FRAS1: variants seen among roughly 807,000 people sequenced by gnomAD.
FRAS1 encodes the protein extracellular matrix organizing protein FRAS1.
In FRAS1, 290 loss-of-function variants were observed where a neutral mutation model predicts 435.2. The ratio of observed to expected loss-of-function variants is 0.67; its 90% CI spans 0.61 to 0.73. FRAS1 has a LOEUF of 0.73. FRAS1 is among the 30% of genes least tolerant of loss of function. The pLI, the probability that FRAS1 is intolerant of heterozygous loss-of-function variation, is 0.00. For missense variants in FRAS1, 4,860 were observed against 5,001.5 expected, an observed-to-expected ratio of 0.97 and a Z score of 0.85; for synonymous variants, 1,800 against 1,851.0, an observed-to-expected ratio of 0.97 and a Z score of 0.71.
At chr4:78,535,790 C>T (rs920214612) in intron 71 of FRAS1, among the ~76,000 whole-genome samples, 2 of 152,280 alleles carry the variant, frequency 1.3e-5, no homozygotes, top group African/African-American at 2.4e-5. Flanking sequence ...ACTACCTTTC[C>T]GCTTAAAACC....
At chr4:78,092,447 G>T (rs942879296) in intron 2 of FRAS1, among the ~76,000 whole-genome samples, 3 of 152,192 alleles carry the variant, frequency 2.0e-5, no homozygotes, top group Non-Finnish European at 1.5e-5. Flanking sequence ...TATGTGGATG[G>T]CAGTAGGCAA....
At chr4:78,394,451 A>G (rs1160001233) in intron 29 of FRAS1, among the ~76,000 whole-genome samples, 4 of 151,964 alleles carry the variant, frequency 2.6e-5, no homozygotes, top group African/African-American at 7.2e-5. Flanking sequence ...TTTATTGAAG[A>G]GACTATTCTT....
chr4:78,537,122 G>A lies in FRAS1; in HGVS notation c.11220G>A (p.Thr3740=), dbSNP rs182887871. The A allele has an allele frequency of 6.9e-5, 112 of 1,613,940 alleles. No individual in the cohort carries two copies. The highest frequency in any genetic ancestry group is 6.9e-4 in the East Asian group (31 of 44,868). The change falls in exon 72 of 74, where the codon ACG becomes ACA. Residue 3740 remains threonine, a synonymous_variant. Coordinates refer to ENST00000512123, the MANE Select transcript of FRAS1 (RefSeq NM_025074.7). Reference sequence around the variant, plus strand: ...GTTATGTGCCTTTCTTTGATCCCACGGGGACAATCTACAATGAAGGGCCCC... The same window carrying A: ...GTTATGTGCCTTTCTTTGATCCCACAGGGACAATCTACAATGAAGGGCCCC... ...KDGYVPFFDP[T]GTIYNEGPQY...
In FRAS1 at chr4:78,499,722, C is replaced by T. The variant is rs368091830; in HGVS notation, c.9117C>T (p.Ala3039=). The change falls in exon 61 of 74, where the codon GCC becomes GCT. Residue 3039 remains alanine (A), a splice_region_variant and synonymous_variant. Coordinates refer to ENST00000512123, the MANE Select transcript of FRAS1 (RefSeq NM_025074.7). The part of the protein sequence containing the change: ...ATITISNDED[A]PTIEFEEAAY... ...GTTTTCCTAACCATATTTCCTTAGC[C>T]CCCACCATTGAGTTTGAAGAAGCTG... 42 of 1,613,150 alleles carry T rather than the reference C, an allele frequency of 2.6e-5. No homozygotes were observed. In the African/African-American group the frequency reaches 5.2e-4, roughly 20 times the overall value.
intron 2 of FRAS1, among the ~76,000 whole-genome samples, chr4:78,191,062 C>T (rs1171364877): frequency 2.0e-5 from 3 of 152,186 alleles, no homozygotes; most frequent in Non-Finnish European, 2.9e-5. Context: ...CATCTGCAAG[C>T]CGGGAAGACT....
chr4:78,419,158 A>G (rs1037795984), intron 33 of FRAS1, 95 bp downstream of exon 33: 5 of 647,036 alleles, frequency 7.7e-6, no homozygotes, highest in Non-Finnish European at 1.0e-5. Flanking sequence ...GCTTGTATAC[A>G]TAGAGATATT....
chr4:78,359,145 C>A (rs188628682), intron 20 of FRAS1, among the ~76,000 whole-genome samples: 95 of 152,290 alleles, frequency 6.2e-4, no homozygotes, highest in African/African-American at 2.1e-3. Context: ...AGATCCCTGT[C>A]TGAACCTGCT....
chr4:78,394,035 G>A lies in FRAS1; in HGVS notation c.3975+6334G>A, dbSNP rs1732553721. On this transcript the variant is annotated intron_variant, in intron 29 of 73. Coordinates refer to ENST00000512123, the MANE Select transcript of FRAS1 (RefSeq NM_025074.7). ...CTTCTTTGGAGAAATACCTATTTAG[G>A]TTTTTTCCCCATTTTTAAATTATTT... 2.6e-5 allele frequency among the ~76,000 whole-genome samples: 4 copies of A among 151,820 alleles called. No homozygotes were observed. The South Asian group carries it at 8.3e-4, about 32-fold the overall frequency.
chr4:78,177,840 C>T (rs902890239), intron 2 of FRAS1, among the ~76,000 whole-genome samples: 1 of 152,146 alleles, frequency 6.6e-6, no homozygotes, highest in Non-Finnish European at 1.5e-5. Context: ...AGTTACTGAA[C>T]GCTGTTGATC....
In FRAS1 at chr4:78,448,064, T is replaced by C. The variant is rs1718907566; in HGVS notation, c.6022T>C (p.Trp2008Arg). 2 of 1,609,668 alleles carry C rather than the reference T, an allele frequency of 1.2e-6. No homozygotes were observed. Among genetic ancestry groups the C allele is most frequent in the African/African-American group, 1.3e-5 (1 of 74,900 alleles). The change falls in exon 44 of 74, where the codon TGG (tryptophan) becomes CGG (arginine). Residue 2008 changes from tryptophan (W) to arginine (R), a missense_variant. Coordinates refer to ENST00000512123, the MANE Select transcript of FRAS1 (RefSeq NM_025074.7). ...TKKPDHGHVL[W>R]RQTASEPLEN... ...ACCTCTTCCCTCAGGTCATGTACTC[T>C]GGAGGCAAACTGCTTCTGAGCCTCT... is the stretch of plus-strand genomic sequence containing the variant.
chr4:78,246,124 A>G (rs1725234230), intron 4 of FRAS1, among the ~76,000 whole-genome samples: 2 of 152,342 alleles, frequency 1.3e-5, no homozygotes, highest in Non-Finnish European at 2.9e-5. Context: ...TGCAAAGTCT[A>G]TAATAGAAAT....
At chr4:78,285,153 G>C (rs371071107) in intron 13 of FRAS1, among the ~76,000 whole-genome samples, 7 of 152,064 alleles carry the variant, frequency 4.6e-5, no homozygotes, top group African/African-American at 1.7e-4. Flanking sequence ...TCAAATCCTA[G>C]TTACTATTCC....
At chr4:78,265,319 G>A (rs1018047327) in intron 7 of FRAS1, among the ~76,000 whole-genome samples, 1 of 152,132 alleles carries the variant, frequency 6.6e-6, no homozygotes, top group East Asian at 1.9e-4. Context: ...GGAATGTGCT[G>A]GCAAGCAGAA....
Position 78,413,032 on chromosome 4 carries a change from C to T in FRAS1, c.4372C>T (p.Pro1458Ser). The T allele has an allele frequency of 6.2e-7, 1 of 1,611,310 alleles. No homozygotes were observed. The highest frequency in any genetic ancestry group is 8.5e-7 in the Non-Finnish European group (1 of 1,178,790). Reference sequence around the variant, plus strand: ...CCACATGTTCAACATCGCGATCTTACCACAGACACCTGAAGCACCTAAAGT... The same window carrying T: ...CCACATGTTCAACATCGCGATCTTATCACAGACACCTGAAGCACCTAAAGT... ...ESHMFNIAIL[P>S]QTPEAPKVSL... The change falls in exon 32 of 74, where the codon CCA (proline) becomes TCA (serine). Residue 1458 changes from proline (P) to serine (S), a missense_variant. Coordinates refer to ENST00000512123, the MANE Select transcript of FRAS1 (RefSeq NM_025074.7).
In FRAS1 at chr4:78,287,761, C is replaced by T. The variant is rs117508740; in HGVS notation, c.1534+1222C>T. Among the ~76,000 whole-genome samples the T allele has an allele frequency of 8.5e-5, 13 of 152,240 alleles. No individual in the cohort carries two copies. The East Asian group carries it at 1.9e-3, about 23-fold the overall frequency. On this transcript the variant is annotated intron_variant, in intron 14 of 73. Transcript: ENST00000512123. ...GTCCTATGTGGAGGAGGCTGATGGT[C>T]GTCTCCATTCCAGGTAATGGTCAGA...
intron 14 of FRAS1, among the ~76,000 whole-genome samples, chr4:78,301,562 T>G (rs762860838): frequency 6.6e-6 from 1 of 152,188 alleles, no homozygotes; most frequent in Non-Finnish European, 1.5e-5. Context: ...CAAGTAGGAC[T>G]GGGTCCTCAG....
chr4:78,404,194 C>A (rs1733012559), intron 30 of FRAS1, among the ~76,000 whole-genome samples: 1 of 152,088 alleles, frequency 6.6e-6, no homozygotes, highest in Non-Finnish European at 1.5e-5. Flanking sequence ...TATGAATGAT[C>A]TCAATCTCAA....
chr4:78,441,090 T>C (rs1734640270), intron 40 of FRAS1, 72 bp from the exon 41 acceptor site: 2 of 1,529,038 alleles, frequency 1.3e-6, no homozygotes, highest in East Asian at 2.3e-5. Flanking sequence ...GGCAGCACTT[T>C]GCAATCCAGC....
At position 78,252,558 on chromosome 4, in the gene FRAS1, A is replaced by T; in HGVS notation, c.469+7A>T. On this transcript the variant is annotated splice_region_variant and intron_variant, in intron 5 of 73. Transcript: ENST00000512123. ...GTTTGTGTGGGCCTTGGGAGTGAGT[A>T]TGAGCTTGTAGAAGGGGACCCTCTT... The T allele has an allele frequency of 1.9e-6, 3 of 1,610,606 alleles. No homozygotes were observed. The highest frequency in any genetic ancestry group is 2.5e-6 in the Non-Finnish European group (3 of 1,178,448).
Sources: allele counts gnomAD v4.1 joint callset (sites outside exome capture counted in the v4.1 genomes callset), GRCh38; gene constraint gnomAD v4.1.1; transcripts MANE v1.5; gene names NCBI Gene and HGNC (gene_info 2026-07-23, HGNC 2026-07-21).